The following DCC variants were observed in gnomAD, a reference collection of about 807,000 sequenced individuals.
DCC encodes the protein netrin receptor DCC.
A neutral mutation model predicts 172.5 loss-of-function variants in DCC; 58 were observed. The observed-to-expected ratio is 0.34, with a 90% CI of 0.27 to 0.42. The LOEUF (loss-of-function observed/expected upper bound fraction) is 0.42, where lower values mean the gene tolerates loss of function less well. DCC is among the 10% of genes least tolerant of loss of function. The pLI is 1.00. For synonymous variants in DCC, 709 were observed against 644.5 expected, an observed-to-expected ratio of 1.10 and a Z score of -1.52; for missense variants, 1,740 against 1,791.0, an observed-to-expected ratio of 0.97 and a Z score of 0.51.
intron 1 of DCC, among the ~76,000 whole-genome samples, chr18:52,551,316 T>G (rs2032763857): frequency 6.6e-6 from 1 of 151,974 alleles, no homozygotes; most frequent in African/African-American, 2.4e-5. Flanking sequence ...ATCATACTTC[T>G]GAAATATTAA....
rs372950028 is a variant in DCC, at chr18:53,235,676, G to A, written c.1911+20079G>A. Among the ~76,000 whole-genome samples the A allele has an allele frequency of 2.6e-4, 35 of 132,934 alleles. No individual in the cohort carries two copies. In the East Asian group the frequency reaches 3.0e-3, roughly 12 times the overall value. 87.2% of individuals were successfully genotyped at this position (132,934 alleles called of 152,430 possible). On this transcript the variant is annotated intron_variant, in intron 12 of 28. Transcript: ENST00000442544. ...GTTTTTAAGTGTACAATTCATTGACGTTAAGTATATTCATAGTTTTGTAAC... is the reference window on the plus strand; with the variant it reads ...GTTTTTAAGTGTACAATTCATTGACATTAAGTATATTCATAGTTTTGTAAC...
chr18:52,814,175 G>T (rs532577347), intron 2 of DCC, among the ~76,000 whole-genome samples: 11 of 152,208 alleles, frequency 7.2e-5, no homozygotes, highest in Non-Finnish European at 1.6e-4. Flanking sequence ...TGCAGTGCAG[G>T]GATCCTGCCT....
At chr18:53,410,711 CTG>C (rs1909929602) in intron 20 of DCC, 65 bp downstream of exon 20, 2 of 1,040,400 alleles carry the variant, frequency 1.9e-6, no homozygotes, top group Non-Finnish European at 3.0e-6. Context: ...GCTTTGCACT[CTG>C]TGTTAGAAAT....
chr18:53,205,014 G>A (rs1342474775), intron 9 of DCC, among the ~76,000 whole-genome samples: 2 of 152,186 alleles, frequency 1.3e-5, no homozygotes, highest in Non-Finnish European at 2.9e-5. Context: ...TTTGGTTAAT[G>A]TAAGCTTTCT....
intron 1 of DCC, among the ~76,000 whole-genome samples, chr18:52,701,627 G>C (rs2145036774): frequency 1.3e-5 from 2 of 152,306 alleles, no homozygotes; most frequent in African/African-American, 4.8e-5. Context: ...TTGTATACGT[G>C]AAACAGTGCC....
chr18:53,259,450 T>C (rs1366298805), intron 12 of DCC, among the ~76,000 whole-genome samples: 1 of 152,208 alleles, frequency 6.6e-6, no homozygotes, highest in Non-Finnish European at 1.5e-5. Flanking sequence ...TAAAGTATTT[T>C]ATTTCTCCTT....
At chr18:53,453,736 C>T (rs989740930) in intron 23 of DCC, among the ~76,000 whole-genome samples, 2 of 152,146 alleles carry the variant, frequency 1.3e-5, no homozygotes, top group African/African-American at 4.8e-5. Context: ...AATCATATCA[C>T]CTAAATGAAG....
At chr18:52,472,266 C>T (rs1355888117) in intron 1 of DCC, among the ~76,000 whole-genome samples, 2 of 152,106 alleles carry the variant, frequency 1.3e-5, no homozygotes, top group African/African-American at 4.8e-5. Context: ...GGTTCCTAGT[C>T]CTGGGATCCC....
chr18:52,969,867 G>T (rs2041001404), intron 5 of DCC, among the ~76,000 whole-genome samples: 1 of 152,020 alleles, frequency 6.6e-6, no homozygotes, highest in African/African-American at 2.4e-5. Flanking sequence ...TGCCTTGTGT[G>T]TAGCAGGTAT....
In DCC at chr18:53,499,532, C is replaced by A. The variant is rs763459077; in HGVS notation, c.4111+22C>A. ...CCAGGTAAAGTACTCGGTTGTTCACCTTTAAAATTCTTATTATTATTGGTG... is the reference window on the plus strand; with the variant it reads ...CCAGGTAAAGTACTCGGTTGTTCACATTTAAAATTCTTATTATTATTGGTG... On this transcript the variant is annotated intron_variant, in intron 27 of 28. Transcript: ENST00000442544. 5.1e-6 allele frequency: 8 copies of A among 1,577,236 alleles called. No individual in the cohort carries two copies. In the South Asian group the frequency reaches 6.6e-5, roughly 13 times the overall value.
chr18:53,020,439 T>C (rs1190804461), intron 5 of DCC, among the ~76,000 whole-genome samples: 1 of 152,222 alleles, frequency 6.6e-6, no homozygotes, highest in Non-Finnish European at 1.5e-5. Context: ...TTCATAAAAA[T>C]GTCACTGTTC....
intron 7 of DCC, among the ~76,000 whole-genome samples, chr18:53,072,326 C>T (rs997459652): frequency 6.6e-6 from 1 of 152,056 alleles, no homozygotes; most frequent in African/African-American, 2.4e-5. Flanking sequence ...TGTTTGGTAG[C>T]TGAGTGGAGA....
intron 1 of DCC, among the ~76,000 whole-genome samples, chr18:52,505,059 C>A (rs1015439581): frequency 6.6e-6 from 1 of 152,146 alleles, no homozygotes; most frequent in Admixed American, 6.5e-5. Context: ...AGAGTTTTTA[C>A]AGAGCACCTA....
In DCC at chr18:52,928,864, G is replaced by A. The variant is rs527316691; in HGVS notation, c.985+3494G>A. Among the ~76,000 whole-genome samples, 10 of 152,252 alleles carry A rather than the reference G, an allele frequency of 6.6e-5. 1 individual carries two copies. Among genetic ancestry groups the A allele is most frequent in the African/African-American group, 2.4e-4 (10 of 41,556 alleles). ...ACATGCCCATCTGGACATGGGCAGT[G>A]TCTATATTGGCAGGATGTCACTCAG... On this transcript the variant is annotated intron_variant, in intron 5 of 28. Coordinates refer to ENST00000442544, the MANE Select transcript of DCC (RefSeq NM_005215.4).
At chr18:52,520,554 G>A (rs1030597226) in intron 1 of DCC, among the ~76,000 whole-genome samples, 1 of 152,090 alleles carries the variant, frequency 6.6e-6, no homozygotes, top group Admixed American at 6.5e-5. Context: ...GAAATTTGCG[G>A]GGAGGCCTTG....
intron 1 of DCC, among the ~76,000 whole-genome samples, chr18:52,637,461 A>G (rs2034803619): frequency 6.6e-6 from 1 of 152,134 alleles, no homozygotes; most frequent in African/African-American, 2.4e-5. Flanking sequence ...TAGATAGCCT[A>G]AAGAAAAAAA....
At chr18:52,794,159 G>GT (rs539670977) in intron 2 of DCC, among the ~76,000 whole-genome samples, 19 of 151,528 alleles carry the variant, frequency 1.3e-4, no homozygotes, top group South Asian at 8.3e-4. Context: ...ATAAATTTTA[G>GT]TTTTTTTTTA....
chr18:52,941,036 C>T (rs2040453375), intron 5 of DCC: 1 of 152,090 alleles, frequency 6.6e-6, no homozygotes, highest in East Asian at 1.9e-4. Flanking sequence ...GAGAAATTTT[C>T]AGCACAGAAA....
At chr18:52,908,920 A>G (rs1054961167) in intron 3 of DCC, among the ~76,000 whole-genome samples, 5 of 152,102 alleles carry the variant, frequency 3.3e-5, no homozygotes, top group African/African-American at 4.8e-5. Flanking sequence ...ATGCATGCGC[A>G]CACACACACA....
Sources: allele counts gnomAD v4.1 joint callset (sites outside exome capture counted in the v4.1 genomes callset), GRCh38; gene constraint gnomAD v4.1.1; transcripts MANE v1.5; gene names NCBI Gene and HGNC (gene_info 2026-07-23, HGNC 2026-07-21).